Variants in SAP130 observed in about 807,000 individuals in gnomAD.
SAP130 encodes the protein Sin3A associated protein 130.
A neutral mutation model predicts 103.2 loss-of-function variants in SAP130; 16 were observed. The ratio of observed to expected loss-of-function variants is 0.16; its 90% CI spans 0.10 to 0.24. The LOEUF is 0.24. Among genes scored for constraint, SAP130 ranks in the 10% least tolerant of loss-of-function variants. The pLI, the probability that SAP130 is intolerant of heterozygous loss-of-function variation, is 1.00. For missense variants in SAP130, 990 were observed against 1,359.7 expected, an observed-to-expected ratio of 0.73 and a Z score of 4.28; for synonymous variants, 477 against 497.0, an observed-to-expected ratio of 0.96 and a Z score of 0.53.
rs1242627489 is a variant in SAP130 at position 128,016,483 on chromosome 2, A to G, written c.413T>C (p.Leu138Pro). The G allele has an allele frequency of 7.4e-6, 12 of 1,613,940 alleles. No homozygotes were observed. Among genetic ancestry groups the G allele is most frequent in the Non-Finnish European group, 1.0e-5 (12 of 1,180,012 alleles). The change falls in exon 4 of 21, where the codon CTT becomes CCT. Residue 138 changes from leucine to proline, a missense_variant. By Grantham distance (98) the Leu-to-Pro change is moderately conservative. This residue lies in a region of SAP130 where 167 missense variants were observed against 187.4 expected (regional missense o/e 0.89). Coordinates refer to ENST00000643581, the MANE Select transcript of SAP130 (RefSeq NM_001330301.2). ...IAPAPPSTLS[L>P]PPKVPGQVTV... ...AACCTGCCCTGGAACCTTGGGGGGA[A>G]GTGACAGGGTAGAAGGTGGAGCAGG...
Position 128,002,228 on chromosome 2 carries a change from A to G in SAP130, c.870-1774T>C, listed in dbSNP as rs991897687. Among the ~76,000 whole-genome samples, 3 of 152,312 alleles carry G rather than the reference A, an allele frequency of 2.0e-5. 1 individual carries two copies. The highest frequency in any genetic ancestry group is 4.1e-4 in the South Asian group (2 of 4,828). ...CAATGTGCCCGGCCAAAACTTTTTA[A>G]TTAACATAAGATTTAAAATAACATA... On this transcript the variant is annotated intron_variant, in intron 7 of 20. Coordinates refer to ENST00000643581, the MANE Select transcript of SAP130 (RefSeq NM_001330301.2).
intron 7 of SAP130, among the ~76,000 whole-genome samples, chr2:128,003,994 A>G (rs1683778171): frequency 3.1e-5 from 1 of 32,368 alleles, no homozygotes; most frequent in Non-Finnish European, 6.9e-5. Context: ...TTTTTTGTTG[A>G]CAGCCTGAAA....
Position 128,010,261 on chromosome 2 carries a change from A to G in SAP130, c.869+8T>C, listed in dbSNP as rs1448407726. Reference sequence around the variant, plus strand: ...GGAAGGTTCAAACTTCATACTCCCCATGTATACCTAAGTGCTGAATCAGTA... The same window carrying G: ...GGAAGGTTCAAACTTCATACTCCCCGTGTATACCTAAGTGCTGAATCAGTA... On this transcript the variant is annotated splice_region_variant and intron_variant, in intron 7 of 20. Transcript: ENST00000643581. 5.0e-6 allele frequency: 8 copies of G among 1,612,424 alleles called. No homozygotes were observed. Among genetic ancestry groups the G allele is most frequent in the East Asian group, 2.2e-5 (1 of 44,866 alleles).
intron 16 of SAP130, among the ~76,000 whole-genome samples, chr2:127,952,801 G>A (rs1417203274): frequency 2.0e-5 from 3 of 152,044 alleles, no homozygotes; most frequent in African/African-American, 7.2e-5. Flanking sequence ...TTCCTACCCT[G>A]TGTTCCCTCC....
Position 127,957,413 on chromosome 2 carries a change from G to A in SAP130, c.2064-2069C>T, listed in dbSNP as rs549345110. The stretch of plus-strand genomic sequence containing the variant: ...GAACTGGCTAGGCGTGGTGACTCAC[G>A]CCTATAATCCCAGTGCTTTGGGAGG... On this transcript the variant is annotated intron_variant, in intron 15 of 20. Transcript: ENST00000643581. 5.3e-5 allele frequency among the ~76,000 whole-genome samples: 8 copies of A among 152,332 alleles called. No homozygotes were observed. In the South Asian group the frequency reaches 1.2e-3, roughly 24 times the overall value.
chr2:128,025,679 G>A (rs572503452), intron 2 of SAP130, among the ~76,000 whole-genome samples: 39 of 152,260 alleles, frequency 2.6e-4, no homozygotes, highest in South Asian at 1.4e-3. Flanking sequence ...TATACTGGAG[G>A]ATAGGTATAG....
rs139040643 is a variant in SAP130, at chr2:127,986,269, A to C, written c.1958+516T>G. Among the ~76,000 whole-genome samples, 31 of 152,290 alleles carry C rather than the reference A, an allele frequency of 2.0e-4. 1 individual carries two copies. In the East Asian group the frequency reaches 6.0e-3, roughly 29 times the overall value. On this transcript the variant is annotated intron_variant, in intron 14 of 20. Coordinates refer to ENST00000643581, the MANE Select transcript of SAP130 (RefSeq NM_001330301.2). This position sits in a 1 kb window ranked among gnomAD's most constrained non-coding sequence, Gnocchi z 4.7. ...GTTTCAGCTGTAAACATTCACCTCTAGACACTGCTGTAGGGTTGGAGCGAC... is the reference window on the plus strand; with the variant it reads ...GTTTCAGCTGTAAACATTCACCTCTCGACACTGCTGTAGGGTTGGAGCGAC...
In SAP130 at chr2:127,942,333, T is replaced by TGAGGGAGACG. The variant is rs1282775202; in HGVS notation, c.3015+81_3015+90dup. 5 of 1,096,280 alleles carry TGAGGGAGACG rather than the reference T, an allele frequency of 4.6e-6. No homozygotes were observed. The African/African-American group carries it at 6.2e-5, about 14-fold the overall frequency. The allele number at this position is 1,096,280 out of a possible 1,614,324, so 67.9% of individuals were successfully genotyped here. ...AGCACGTATGTTTTTACTGAAGATATGAGGGAGACGGGGGGAAACGGGAGA... is the reference window on the plus strand; with the variant it reads ...AGCACGTATGTTTTTACTGAAGATATGAGGGAGACGGAGGGAGACGGGGGGAAACGGGAGA... On this transcript the variant is annotated intron_variant, in intron 20 of 20. Transcript: ENST00000643581. This position sits in a 1 kb window ranked among gnomAD's most constrained non-coding sequence, Gnocchi z 4.8.
intron 10 of SAP130, among the ~76,000 whole-genome samples, chr2:127,997,537 G>A (rs1683254453): frequency 6.6e-6 from 1 of 152,188 alleles, no homozygotes; most frequent in Non-Finnish European, 1.5e-5. Context: ...GTTTTCGCAG[G>A]GTGATAACAG....
chr2:127,992,724 A>G (rs915326651), intron 12 of SAP130, among the ~76,000 whole-genome samples: 5 of 152,376 alleles, frequency 3.3e-5, no homozygotes, highest in South Asian at 2.1e-4. Context: ...AGAGGAGAGC[A>G]TAACAACTAA....
intron 15 of SAP130, among the ~76,000 whole-genome samples, chr2:127,960,522 T>TA (rs1226494022): frequency 6.6e-6 from 1 of 152,260 alleles, no homozygotes; most frequent in East Asian, 1.9e-4. Context: ...ACAAACATTA[T>TA]AAGCCTTGTA....
rs1428572407 is a variant in SAP130, at chr2:127,942,042, T to C, written c.3138A>G (p.Lys1046=). ...CCTTTCGCTTCAATTTGGACACTTT[T>C]TTGACAGTCCCGTTCTTGTTAAGCA... ...LKLLNKNGTV[K]KVSKLKRKEK... The change falls in exon 21 of 21, where the codon AAA becomes AAG. Residue 1046 remains lysine (K), a synonymous_variant. Transcript: ENST00000643581. This position sits in a 1 kb window ranked among gnomAD's most constrained non-coding sequence, Gnocchi z 4.8. The C allele has an allele frequency of 1.9e-6, 3 of 1,608,516 alleles. No individual in the cohort carries two copies. The highest frequency in any genetic ancestry group is 1.7e-4 in the Middle Eastern group (1 of 6,046).
chr2:127,946,097 T>C (rs550681503), intron 18 of SAP130, among the ~76,000 whole-genome samples: 1 of 152,244 alleles, frequency 6.6e-6, no homozygotes, highest in Non-Finnish European at 1.5e-5. Context: ...TTGCCACGTG[T>C]CAAGCCAGGG....
At chr2:127,952,547 T>A (rs150184566) in intron 16 of SAP130, among the ~76,000 whole-genome samples, 1 of 152,042 alleles carries the variant, frequency 6.6e-6, no homozygotes, top group South Asian at 2.1e-4. Context: ...GCTGTTTATA[T>A]ATAATGTCTC....
At chr2:128,000,833 T>A (rs1257170335) in intron 7 of SAP130, among the ~76,000 whole-genome samples, 1 of 152,074 alleles carries the variant, frequency 6.6e-6, no homozygotes, top group Non-Finnish European at 1.5e-5. Context: ...GCCCAGGAAG[T>A]CAGGGTTACA....
intron 14 of SAP130, among the ~76,000 whole-genome samples, chr2:127,978,349 A>G (rs1277291511): frequency 6.6e-6 from 1 of 152,036 alleles, no homozygotes; most frequent in Non-Finnish European, 1.5e-5. Context: ...TCCCTCCAGG[A>G]AGCAACCATT....
intron 14 of SAP130, among the ~76,000 whole-genome samples, chr2:127,985,217 T>C (rs1416354229): frequency 6.6e-6 from 1 of 152,240 alleles, no homozygotes. Flanking sequence ...CAATCTGTCA[T>C]CTTAACCACA....
At position 127,942,257 on chromosome 2, in the gene SAP130, G is replaced by A. The variant is rs1678760694; in HGVS notation, c.3016-93C>T. On this transcript the variant is annotated intron_variant, in intron 20 of 20. Transcript: ENST00000643581. This position sits in a 1 kb window ranked among gnomAD's most constrained non-coding sequence, Gnocchi z 4.8. The stretch of plus-strand genomic sequence containing the variant: ...TGCCTTTGGGCAGAGGCCATGTTGA[G>A]GCTTCCACAACAGAGAAAATGTCTT... 7.7e-7 allele frequency: 1 copy of A among 1,295,370 alleles called. No homozygotes were observed. The highest frequency in any genetic ancestry group is 1.5e-5 in the African/African-American group (1 of 67,184). The allele number at this position is 1,295,370 out of a possible 1,614,324, so 80.2% of individuals were successfully genotyped here. A position where few individuals can be genotyped will look rare whatever the true frequency, so the allele number is the denominator to read the frequency against.
intron 7 of SAP130, among the ~76,000 whole-genome samples, chr2:128,005,440 AC>A (rs1272795039): frequency 1.3e-5 from 2 of 151,836 alleles, no homozygotes; most frequent in Non-Finnish European, 2.9e-5. Context: ...AACATGGCAA[AC>A]CCCCATCTAC....
Sources: gnomAD v4.1 joint callset for allele counts (sites outside exome capture counted in the v4.1 genomes callset) on GRCh38, gnomAD v4.1.1 for gene constraint, gnomAD v4.1.1 regional missense constraint, Gnocchi (gnomAD v3.1) non-coding constraint, MANE v1.5 for transcripts, NCBI Gene and HGNC (gene_info 2026-07-23, HGNC 2026-07-21) for gene names.